Variants in METTL15 observed in about 807,000 individuals in gnomAD.
METTL15 encodes methyltransferase 15, mitochondrial 12S rRNA N4-cytidine.
In METTL15, 34 loss-of-function variants were observed where a neutral mutation model predicts 38.3. The ratio of observed to expected loss-of-function variants is 0.89; its 90% CI spans 0.68 to 1.18. The LOEUF (loss-of-function observed/expected upper bound fraction) is 1.18, where lower values mean the gene tolerates loss of function less well. METTL15 is among the 50% of genes most tolerant of loss of function. METTL15 has a pLI of 0.00. For synonymous variants in METTL15, 162 were observed against 170.9 expected (o/e 0.95, Z 0.41); for missense variants, 438 against 498.4 (o/e 0.88, Z 1.15).
chr11:28,514,600 C>G (rs905644567), intron 6 of METTL15, among the ~76,000 whole-genome samples: 4 of 152,212 alleles, frequency 2.6e-5, no homozygotes, highest in Non-Finnish European at 5.9e-5. Flanking sequence ...CCCGCACTTA[C>G]AATCCTTTAG....
At chr11:28,336,738 C>T (rs1849904180), downstream of METTL15, among the ~76,000 whole-genome samples, 1 of 152,214 alleles carries the variant, frequency 6.6e-6, no homozygotes, top group Non-Finnish European at 1.5e-5. Flanking sequence ...CTGCTGTTAA[C>T]CTGCACTGCC....
intron 5 of METTL15, among the ~76,000 whole-genome samples, chr11:28,377,767 GT>G (rs996332410): frequency 2.0e-5 from 3 of 151,756 alleles, no homozygotes; most frequent in African/African-American, 7.3e-5. Context: ...TTTCTGTTCT[GT>G]TTTTTCCCCA....
chr11:28,257,365 G>A (rs1259198489), intron 4 of METTL15, among the ~76,000 whole-genome samples: 1 of 152,148 alleles, frequency 6.6e-6, no homozygotes, highest in Non-Finnish European at 1.5e-5. Flanking sequence ...CCTTGAGGTA[G>A]TCTTCTTTGG....
At chr11:28,452,403 T>C (rs1469076136) in intron 6 of METTL15, among the ~76,000 whole-genome samples, 1 of 152,216 alleles carries the variant, frequency 6.6e-6, no homozygotes, top group Non-Finnish European at 1.5e-5. Context: ...TTCGGTGATA[T>C]TTAATGACAG....
chr11:28,371,908 T>A (rs565246957), intron 5 of METTL15, among the ~76,000 whole-genome samples: 1 of 152,090 alleles, frequency 6.6e-6, no homozygotes, highest in Non-Finnish European at 1.5e-5. Flanking sequence ...TAGGTTTTTC[T>A]AAGTATAAAA....
chr11:28,282,455 T>C (rs1856092061), intron 4 of METTL15, among the ~76,000 whole-genome samples: 1 of 152,072 alleles, frequency 6.6e-6, no homozygotes, highest in African/African-American at 2.4e-5. Flanking sequence ...ATAAAAAGAG[T>C]ATGATATATT....
At chr11:28,296,602 C>T (rs1856743830) in intron 5 of METTL15, 151 bp from the exon 6 acceptor site, 3 of 685,296 alleles carry the variant, frequency 4.4e-6, no homozygotes, top group Non-Finnish European at 7.2e-6. Context: ...AAGTCTATTT[C>T]ATTTGTTTAA....
At chr11:28,177,242 A>T (rs1054186527) in intron 3 of METTL15, among the ~76,000 whole-genome samples, 1 of 152,088 alleles carries the variant, frequency 6.6e-6, no homozygotes, top group African/African-American at 2.4e-5. Flanking sequence ...TAAAGAAGGA[A>T]TTAGCATCTG....
At chr11:28,341,291 T>C (rs1849950344) in intron 3 of METTL15, among the ~76,000 whole-genome samples, 1 of 152,204 alleles carries the variant, frequency 6.6e-6, no homozygotes, top group South Asian at 2.1e-4. Flanking sequence ...GTTCTGCACA[T>C]GTATCTCAAA....
downstream of METTL15, among the ~76,000 whole-genome samples, chr11:28,531,069 A>C (rs892678617): frequency 3.3e-5 from 5 of 151,888 alleles, no homozygotes; most frequent in East Asian, 3.9e-4. Context: ...CTGCTTTCTA[A>C]CTGCATTTGT....
chr11:28,112,904 A>G (rs1379665993), intron 2 of METTL15, among the ~76,000 whole-genome samples: 4 of 152,170 alleles, frequency 2.6e-5, no homozygotes, highest in Admixed American at 1.3e-4. Flanking sequence ...TCTAAAATGT[A>G]ATACTTTTAA....
intron 4 of METTL15, among the ~76,000 whole-genome samples, chr11:28,224,712 CTT>C (rs1161239754): frequency 9.9e-5 from 15 of 151,730 alleles, no homozygotes; most frequent in Non-Finnish European, 7.4e-5. Context: ...CTTATATACT[CTT>C]ATCTATATTC....
At chr11:28,172,449 CT>C (rs1850893776) in intron 3 of METTL15, among the ~76,000 whole-genome samples, 2 of 152,116 alleles carry the variant, frequency 1.3e-5, no homozygotes, top group Non-Finnish European at 2.9e-5. Flanking sequence ...ATAATTAAAG[CT>C]CAGTATTACT....
At chr11:28,289,777 A>G (rs898974973) in intron 4 of METTL15, among the ~76,000 whole-genome samples, 1 of 152,164 alleles carries the variant, frequency 6.6e-6, no homozygotes, top group African/African-American at 2.4e-5. Flanking sequence ...TGGTTTGAAC[A>G]TATTTGACAT....
intron 6 of METTL15, among the ~76,000 whole-genome samples, chr11:28,434,262 T>G (rs192822121): frequency 6.6e-6 from 1 of 152,328 alleles, no homozygotes; most frequent in East Asian, 1.9e-4. Context: ...TTACTTCCCC[T>G]TCCACCATGA....
At chr11:28,119,420 G>A (rs1044155753) in intron 3 of METTL15, among the ~76,000 whole-genome samples, 2 of 152,202 alleles carry the variant, frequency 1.3e-5, no homozygotes, top group Non-Finnish European at 2.9e-5. Context: ...TACTGAGGTA[G>A]CTTCTCTGGC....
chr11:28,172,184 A>G (rs1850884548), intron 3 of METTL15, among the ~76,000 whole-genome samples: 1 of 152,112 alleles, frequency 6.6e-6, no homozygotes, highest in South Asian at 2.1e-4. Flanking sequence ...TTCTTTCAAA[A>G]CAAGACAAAA....
intron 5 of METTL15, among the ~76,000 whole-genome samples, chr11:28,293,526 C>G (rs1856608396): frequency 6.6e-6 from 1 of 152,154 alleles, no homozygotes; most frequent in Non-Finnish European, 1.5e-5. Context: ...TTAGGATTGA[C>G]TTGGTGATGC....
At chr11:28,109,613 A>G (rs1851631207) in intron 1 of METTL15, among the ~76,000 whole-genome samples, 1 of 152,272 alleles carries the variant, frequency 6.6e-6, no homozygotes, top group African/African-American at 2.4e-5. Context: ...ATTAAGTGAC[A>G]TTAAGAGAAT....
Sources: gnomAD v4.1 joint callset for allele counts (sites outside exome capture counted in the v4.1 genomes callset) on GRCh38, gnomAD v4.1.1 for gene constraint, MANE v1.5 for transcripts, NCBI Gene and HGNC (gene_info 2026-07-23, HGNC 2026-07-21) for gene names.